Variants in PTPRD observed in about 807,000 individuals in gnomAD.
PTPRD encodes receptor-type tyrosine-protein phosphatase delta.
In PTPRD, 34 loss-of-function variants were observed where a neutral mutation model predicts 214.5. That is an observed-to-expected ratio of 0.16 (90% confidence interval 0.12 to 0.21). The LOEUF is 0.21. PTPRD is among the 10% of genes least tolerant of loss of function. PTPRD has a pLI of 1.00. For missense variants in PTPRD, 2,545 were observed against 2,398.7 expected, an observed-to-expected ratio of 1.06 and a Z score of -1.27; for synonymous variants, 1,128 against 845.7, an observed-to-expected ratio of 1.33 and a Z score of -5.79.
intron 4 of PTPRD, among the ~76,000 whole-genome samples, chr9:9,973,311 A>AC (rs1422540621): frequency 6.6e-6 from 1 of 151,622 alleles, no homozygotes; most frequent in Non-Finnish European, 1.5e-5. Flanking sequence ...CAAAAAAAAA[A>AC]AAAAAAAAAA....
intron 8 of PTPRD, among the ~76,000 whole-genome samples, chr9:9,427,029 G>T (rs949527265): frequency 6.6e-6 from 1 of 152,140 alleles, no homozygotes; most frequent in Non-Finnish European, 1.5e-5. Context: ...GTAGCTCCTC[G>T]CCAGCAATGG....
chr9:9,479,604 A>T (rs1221566966), intron 8 of PTPRD, among the ~76,000 whole-genome samples: 1 of 152,106 alleles, frequency 6.6e-6, no homozygotes, highest in Non-Finnish European at 1.5e-5. Flanking sequence ...ACTTGCACCA[A>T]CACTTTTAAG....
At chr9:8,531,408 G>T (rs996804371) in intron 14 of PTPRD, among the ~76,000 whole-genome samples, 1 of 152,002 alleles carries the variant, frequency 6.6e-6, no homozygotes, top group Non-Finnish European at 1.5e-5. Context: ...ATCAATAGCT[G>T]CTATACCACA....
At chr9:10,211,431 T>C (rs2099516326) in intron 3 of PTPRD, among the ~76,000 whole-genome samples, 1 of 152,160 alleles carries the variant, frequency 6.6e-6, no homozygotes, top group Admixed American at 6.6e-5. Context: ...TGCACTAATC[T>C]GGGAGCTGTA....
At position 9,377,207 on chromosome 9, in the gene PTPRD, T is replaced by C. The variant is rs376130408; in HGVS notation, c.-203+20242A>G. 2.5e-4 allele frequency among the ~76,000 whole-genome samples: 38 copies of C among 152,226 alleles called. No individual in the cohort carries two copies. In the East Asian group the frequency reaches 5.2e-3, roughly 21 times the overall value. On this transcript the variant is annotated intron_variant, in intron 9 of 45. Coordinates refer to ENST00000381196, the MANE Select transcript of PTPRD (RefSeq NM_002839.4). ...ATGCAAATACATGTCCATACATAGA[T>C]ATATATGAATACAGTATCTTTGTGC...
chr9:8,358,446 C>A (rs1394622963), intron 39 of PTPRD, among the ~76,000 whole-genome samples: 1 of 152,118 alleles, frequency 6.6e-6, no homozygotes, highest in Non-Finnish European at 1.5e-5. Flanking sequence ...GGCTGGCAAA[C>A]AAAAATTTTA....
intron 3 of PTPRD, among the ~76,000 whole-genome samples, chr9:10,295,833 CAGA>C (rs372899453): frequency 3.9e-5 from 6 of 152,024 alleles, no homozygotes; most frequent in African/African-American, 1.4e-4. Context: ...AGAGATGTGG[CAGA>C]AGAAGTCAAA....
chr9:9,368,924 A>C (rs2058642276), intron 9 of PTPRD, among the ~76,000 whole-genome samples: 1 of 151,732 alleles, frequency 6.6e-6, no homozygotes, highest in South Asian at 2.1e-4. Context: ...CCCACACCCC[A>C]CAACAGTCCC....
chr9:9,155,397 G>A (rs1252014175), intron 10 of PTPRD, among the ~76,000 whole-genome samples: 1 of 152,094 alleles, frequency 6.6e-6, no homozygotes, highest in African/African-American at 2.4e-5. Flanking sequence ...TTACACTTGA[G>A]GGAGGGGTAG....
chr9:9,460,977 G>T (rs566535965), intron 8 of PTPRD, among the ~76,000 whole-genome samples: 1 of 152,176 alleles, frequency 6.6e-6, no homozygotes, highest in East Asian at 1.9e-4. Context: ...ATACACCATG[G>T]AATACTATGA....
chr9:10,511,852 C>CTGTGTG (rs201439443), intron 2 of PTPRD, among the ~76,000 whole-genome samples: 10 of 107,124 alleles, frequency 9.3e-5, no homozygotes, highest in African/African-American at 2.7e-4. Context: ...ATATACATAT[C>CTGTGTG]TGTGTGTGTG....
rs962575547 is a variant in PTPRD at position 8,485,589 on chromosome 9, A to G, written c.3055+173T>C. On this transcript the variant is annotated intron_variant, in intron 28 of 45. Coordinates refer to ENST00000381196, the MANE Select transcript of PTPRD (RefSeq NM_002839.4). The stretch of plus-strand genomic sequence containing the variant: ...GTCAGCCAGACTTGCTTGACATTCT[A>G]TAACTGAAATCTAAGGCATCCAAGA... The G allele has an allele frequency of 1.9e-5, 13 of 675,504 alleles. No individual in the cohort carries two copies. The Middle Eastern group carries it at 2.1e-3, about 107-fold the overall frequency. The allele number at this position is 675,504 out of a possible 1,614,324, so 41.8% of individuals were successfully genotyped here.
chr9:9,824,782 T>A (rs940562282), intron 5 of PTPRD, among the ~76,000 whole-genome samples: 1 of 152,076 alleles, frequency 6.6e-6, no homozygotes, highest in African/African-American at 2.4e-5. Context: ...TCAATACAAG[T>A]TGTATTAATG....
At chr9:9,069,547 T>G (rs145322841) in intron 10 of PTPRD, among the ~76,000 whole-genome samples, 1 of 152,166 alleles carries the variant, frequency 6.6e-6, no homozygotes, top group African/African-American at 2.4e-5. Flanking sequence ...CTACCTTAAC[T>G]GTTCAGTAAC....
At position 8,609,370 on chromosome 9, in the gene PTPRD, C is replaced by A. The variant is rs189178706; in HGVS notation, c.352+23947G>T. Among the ~76,000 whole-genome samples the A allele has an allele frequency of 1.9e-3, 283 of 152,284 alleles. 2 individuals carry two copies. Among genetic ancestry groups the A allele is most frequent in the Admixed American group, 5.1e-3 (78 of 15,298 alleles). On this transcript the variant is annotated intron_variant, in intron 14 of 45. Coordinates refer to ENST00000381196, the MANE Select transcript of PTPRD (RefSeq NM_002839.4). ...TGAAGTCAGTTTCTTCAAGGTCAGG[C>A]TCTGTTTCATGTTTTGTGGTTTTGT...
intron 12 of PTPRD, among the ~76,000 whole-genome samples, chr9:8,693,863 G>A (rs558745831): frequency 6.6e-6 from 1 of 152,308 alleles, no homozygotes; most frequent in South Asian, 2.1e-4. Context: ...ATGTATTTTT[G>A]TAGGGTGACT....
chr9:9,881,529 G>A (rs1412856569), intron 5 of PTPRD, among the ~76,000 whole-genome samples: 1 of 151,982 alleles, frequency 6.6e-6, no homozygotes, highest in Non-Finnish European at 1.5e-5. Flanking sequence ...ATCCTACAAG[G>A]CTGTTGTGAA....
intron 2 of PTPRD, among the ~76,000 whole-genome samples, chr9:10,597,157 T>A (rs2076817809): frequency 6.6e-6 from 1 of 151,578 alleles, no homozygotes; most frequent in Non-Finnish European, 1.5e-5. Flanking sequence ...AAACAAATGC[T>A]TTATTACGAA....
intron 4 of PTPRD, among the ~76,000 whole-genome samples, chr9:9,955,563 G>T (rs1458621470): frequency 4.7e-5 from 7 of 148,230 alleles, no homozygotes; most frequent in Admixed American, 1.4e-4. Context: ...TCGCTCTGTC[G>T]CCCAGGCTTG....
Sources: gnomAD v4.1 joint callset for allele counts (sites outside exome capture counted in the v4.1 genomes callset) on GRCh38, gnomAD v4.1.1 for gene constraint, MANE v1.5 for transcripts, NCBI Gene and HGNC (gene_info 2026-07-23, HGNC 2026-07-21) for gene names.